The following FAM151A variants were observed in gnomAD, a reference collection of about 807,000 sequenced individuals.
The protein encoded by FAM151A is protein FAM151A.
FAM151A carries 41 observed loss-of-function variants against 40.4 expected under a neutral mutation model. That is an observed-to-expected ratio of 1.01 (90% CI 0.79 to 1.32). The LOEUF (loss-of-function observed/expected upper bound fraction) is 1.32. Among genes scored for constraint, FAM151A ranks in the 40% most tolerant of loss-of-function variants. The probability of loss-of-function intolerance (pLI) is 0.00; values close to 1 mark genes in which losing one functional copy is unlikely to be tolerated. For missense variants in FAM151A, 740 were observed against 740.4 expected (o/e 1.00, Z 0.01); for synonymous variants, 337 against 312.5 (o/e 1.08, Z -0.83).
chr1:54,610,830 C>G, intron 6 of FAM151A: 4 of 985,368 alleles, frequency 4.1e-6, no homozygotes, highest in Non-Finnish European at 3.6e-6. Context: ...TAGGTGGCTC[C>G]CATGGCAGGA....
intron 2 of FAM151A, 71 bp from the exon 3 acceptor site, chr1:54,616,243 C>G: frequency 7.4e-7 from 1 of 1,343,830 alleles, no homozygotes; most frequent in Non-Finnish European, 1.0e-6. Context: ...ATCATAAAAG[C>G]ATTACAAATT....
At position 54,614,701 on chromosome 1, in the gene FAM151A, G is replaced by A. The variant is rs926066553; in HGVS notation, c.574C>T (p.Gln192Ter). 21 of 1,611,856 alleles carry A rather than the reference G, an allele frequency of 1.3e-5. No individual in the cohort carries two copies. The highest frequency in any genetic ancestry group is 2.2e-5 in the South Asian group (2 of 90,844). The change falls in exon 4 of 8, where the codon CAG becomes TAG. Residue 192 changes from glutamine to a stop codon, truncating the protein, a stop_gained and splice_region_variant. Coordinates refer to ENST00000302250, the MANE Select transcript of FAM151A (RefSeq NM_176782.3). LOFTEE classifies it high-confidence loss of function. The stretch of plus-strand genomic sequence containing the variant: ...TGGGACAGAGAGGCGAACACTCACT[G>A]TGTGGCATTGACCTCAGTTGAGATG... ...MLISTEVNAT[Q>*]FLALVQEKYP...
chr1:54,620,725 T>A (rs1437199823), intron 1 of FAM151A, among the ~76,000 whole-genome samples: 1 of 150,988 alleles, frequency 6.6e-6, no homozygotes, highest in Non-Finnish European at 1.5e-5. Flanking sequence ...GGCAGGAGCC[T>A]GTAATCCCAG....
intron 6 of FAM151A, among the ~76,000 whole-genome samples, chr1:54,611,314 C>T (rs1449917142): frequency 2.0e-5 from 3 of 152,064 alleles, no homozygotes; most frequent in African/African-American, 4.8e-5. Context: ...GCAGGAGAAT[C>T]GCTTGAACCC....
At chr1:54,612,753 G>A (rs1489459779) in intron 4 of FAM151A, 43 bp from the exon 5 acceptor site, 1 of 1,485,566 alleles carries the variant, frequency 6.7e-7, no homozygotes, top group African/African-American at 1.4e-5. Flanking sequence ...AGCTGCAGCG[G>A]CCCCTTCCTC....
In FAM151A at chr1:54,610,340, C is replaced by G. The variant is rs572219475; in HGVS notation, c.1084+72G>C. On this transcript the variant is annotated intron_variant, in intron 7 of 7. Coordinates refer to ENST00000302250, the MANE Select transcript of FAM151A (RefSeq NM_176782.3). ...GTGTTGCCATGGCAACAGAGACCGG[C>G]GGTACCTGCCCCAAGCAAAGGACAC... 138 of 1,568,938 alleles carry G rather than the reference C, an allele frequency of 8.8e-5. 2 individuals carry two copies. In the South Asian group the frequency reaches 1.5e-3, roughly 17 times the overall value.
intron 2 of FAM151A, among the ~76,000 whole-genome samples, chr1:54,618,064 G>A (rs564949674): frequency 1.3e-5 from 2 of 151,524 alleles, no homozygotes; most frequent in Admixed American, 6.6e-5. Context: ...CCAGGGATGC[G>A]CCTGCTGCTG....
In FAM151A at chr1:54,609,279, C is replaced by T; in HGVS notation, c.1747G>A (p.Gly583Ser). The change falls in exon 8 of 8, where the codon GGT (glycine) becomes AGT (serine). Residue 583 changes from glycine to serine, a missense_variant. Gly to Ser is a moderately conservative substitution (Grantham distance 56). Transcript: ENST00000302250. ...GYHKDLLAHVGRN is the reference protein window; with the variant it reads ...GYHKDLLAHVSRN Reference sequence around the variant, plus strand: ...CCACCCCTGGGTGCTCAGTTTCTACCAACATGAGCCAGCAAGTCCTTGTGG... The same window carrying T: ...CCACCCCTGGGTGCTCAGTTTCTACTAACATGAGCCAGCAAGTCCTTGTGG... 2.5e-6 allele frequency: 4 copies of T among 1,604,680 alleles called. No individual in the cohort carries two copies. Among genetic ancestry groups the T allele is most frequent in the Non-Finnish European group, 3.4e-6 (4 of 1,173,424 alleles).
intron 1 of FAM151A, among the ~76,000 whole-genome samples, chr1:54,620,472 G>C (rs979967293): frequency 6.6e-6 from 1 of 152,160 alleles, no homozygotes; most frequent in Non-Finnish European, 1.5e-5. Context: ...TTGGGAGGCC[G>C]AGGTGGGTGG....
chr1:54,616,164 T>G lies in FAM151A; in HGVS notation c.271A>C (p.Thr91Pro). 3 of 1,613,490 alleles carry G rather than the reference T, an allele frequency of 1.9e-6. No homozygotes were observed. Among genetic ancestry groups the G allele is most frequent in the Non-Finnish European group, 2.5e-6 (3 of 1,179,570 alleles). The change falls in exon 3 of 8, where the codon ACA becomes CCA. Residue 91 changes from threonine to proline, a missense_variant. Coordinates refer to ENST00000302250, the MANE Select transcript of FAM151A (RefSeq NM_176782.3). ...ACATTGACGTCAGCCTCCAGGACTG[T>G]GATGTTGCCTGTGGAAGGGGCAACA... Reference protein sequence around the residue: ...AMTAALNSNITVLEADVNVEG... With the variant: ...AMTAALNSNIPVLEADVNVEG...
At chr1:54,616,388 G>T (rs1644174116) in intron 2 of FAM151A, among the ~76,000 whole-genome samples, 1 of 151,226 alleles carries the variant, frequency 6.6e-6, no homozygotes, top group Admixed American at 6.6e-5. Flanking sequence ...TTTTGAGACG[G>T]AGTCTTGCTC....
chr1:54,614,632 C>T, intron 4 of FAM151A, 68 bp downstream of exon 4: 1 of 1,504,146 alleles, frequency 6.6e-7, no homozygotes, highest in Admixed American at 1.9e-5. Flanking sequence ...CCCCTAAGAT[C>T]CCCATCCTGT....
intron 6 of FAM151A, 165 bp from the exon 7 acceptor site, chr1:54,610,720 C>T: frequency 1.0e-6 from 1 of 979,746 alleles, no homozygotes; most frequent in Non-Finnish European, 1.2e-6. Context: ...GAAGAAGTGA[C>T]TTGCCCAAGG....
intron 4 of FAM151A, among the ~76,000 whole-genome samples, chr1:54,613,901 A>G (rs555574715): frequency 6.6e-6 from 1 of 152,292 alleles, no homozygotes; most frequent in African/African-American, 2.4e-5. Flanking sequence ...CTGGGTTTGA[A>G]TCTTTGCTCT....
At chr1:54,615,932 GACT>G in intron 3 of FAM151A, 85 bp downstream of exon 3, 2 of 1,391,168 alleles carry the variant, frequency 1.4e-6, no homozygotes, top group Non-Finnish European at 2.0e-6. Context: ...GTCAGGGCTG[GACT>G]TGCTTCCCAG....
chr1:54,617,709 A>ATTTTTTT lies in FAM151A; in HGVS notation c.263-1544_263-1538dup, dbSNP rs56229276. Among the ~76,000 whole-genome samples, 163 of 55,764 alleles carry ATTTTTTT rather than the reference A, an allele frequency of 2.9e-3. 20 individuals are homozygous for ATTTTTTT. The highest frequency in any genetic ancestry group is 3.2e-3 in the Non-Finnish European group (104 of 32,906). The allele number at this position is 55,764 out of a possible 152,430, so 36.6% of individuals were successfully genotyped here. A position where few individuals can be genotyped will look rare whatever the true frequency, so the allele number is the denominator to read the frequency against. ...CACTAGGTCTGCAGCAGGGCCTGAG[A>ATTTTTTT]TTTTTTTTTTTTTTTTTTTTTTTTT... On this transcript the variant is annotated intron_variant, in intron 2 of 7. Coordinates refer to ENST00000302250, the MANE Select transcript of FAM151A (RefSeq NM_176782.3).
chr1:54,615,040 CAG>C (rs1644158169), intron 3 of FAM151A, among the ~76,000 whole-genome samples, 181 bp from the exon 4 acceptor site: 1 of 151,806 alleles, frequency 6.6e-6, no homozygotes, highest in Non-Finnish European at 1.5e-5. Context: ...TTCGAAGAGA[CAG>C]AGCTAACTCA....
At chr1:54,622,751 G>A (rs1340659941) in intron 1 of FAM151A, among the ~76,000 whole-genome samples, 2,080 of 151,918 alleles carry the variant, frequency 0.014, 26 homozygotes, top group South Asian at 0.022. Context: ...AAAAAAAATA[G>A]TTAACGGGAC....
At chr1:54,609,994 G>GTT (rs1644097742) in intron 7 of FAM151A, 53 bp from the exon 8 acceptor site, 2 of 1,548,420 alleles carry the variant, frequency 1.3e-6, no homozygotes, top group Non-Finnish European at 1.7e-6. Flanking sequence ...ATCATAAGGT[G>GTT]TTAAGAGTCC....
Sources: gnomAD v4.1 joint callset for allele counts (sites outside exome capture counted in the v4.1 genomes callset) on GRCh38, gnomAD v4.1.1 for gene constraint, MANE v1.5 for transcripts, NCBI Gene and HGNC (gene_info 2026-07-23, HGNC 2026-07-21) for gene names.